The following DGKG variants were observed in gnomAD, a reference collection of about 807,000 sequenced individuals.
The protein encoded by DGKG is diacylglycerol kinase gamma.
In DGKG, 78 loss-of-function variants were observed where a neutral mutation model predicts 105.3. The observed-to-expected ratio is 0.74, with a 90% CI of 0.62 to 0.89. The LOEUF (loss-of-function observed/expected upper bound fraction) is 0.89. Ranked by LOEUF, DGKG falls within the 40% of genes least tolerant of loss-of-function variation. DGKG has a pLI of 0.00. For missense variants in DGKG, 958 were observed against 1,020.1 expected, an observed-to-expected ratio of 0.94 and a Z score of 0.83; for synonymous variants, 346 against 367.1, an observed-to-expected ratio of 0.94 and a Z score of 0.66.
chr3:186,192,815 T>C (rs1717970433), intron 21 of DGKG, among the ~76,000 whole-genome samples: 1 of 152,208 alleles, frequency 6.6e-6, no homozygotes, highest in African/African-American at 2.4e-5. Context: ...GCCTGGCACA[T>C]CAATGTTGGA....
At chr3:186,324,679 A>G (rs2108644891) in intron 1 of DGKG, among the ~76,000 whole-genome samples, 1 of 152,332 alleles carries the variant, frequency 6.6e-6, no homozygotes, top group Middle Eastern at 3.4e-3. Flanking sequence ...TATTATTAAA[A>G]AGACAAAAAC....
At position 186,311,845 on chromosome 3, in the gene DGKG, G is replaced by A. The variant is rs541924419; in HGVS notation, c.68-4868C>T. ...TAAGAACACAGAGTAGGCCGGGCGC[G>A]GTGGCTCACGCCTGTAATCCCAGCA... On this transcript the variant is annotated intron_variant, in intron 2 of 24. Transcript: ENST00000265022. 1.2e-3 allele frequency among the ~76,000 whole-genome samples: 149 copies of A among 129,546 alleles called. 32 individuals carry two copies. The highest frequency in any genetic ancestry group is 6.8e-3 in the African/African-American group (142 of 20,754). 85.0% of individuals were successfully genotyped at this position (129,546 alleles called of 152,430 possible). A position where few individuals can be genotyped will look rare whatever the true frequency, so the allele number is the denominator to read the frequency against.
chr3:186,148,623 C>T lies in DGKG; in HGVS notation c.*1467G>A. On this transcript the variant is annotated 3_prime_UTR_variant, in exon 25 of 25. Transcript: ENST00000265022. ...CCATTAAATATCTTTGTAACGGCAC[C>T]TACTCTCAAGCTGCATTAGCCAAGA... 1.0e-6 allele frequency: 1 copy of T among 985,346 alleles called. No homozygotes were observed. Among genetic ancestry groups the T allele is most frequent in the Non-Finnish European group, 1.2e-6 (1 of 829,926 alleles). 61.0% of individuals were successfully genotyped at this position (985,346 alleles called of 1,614,324 possible).
intron 3 of DGKG, among the ~76,000 whole-genome samples, chr3:186,299,825 C>CTTTCTT (rs1723812272): frequency 1.2e-5 from 1 of 85,124 alleles, no homozygotes; most frequent in Admixed American, 1.3e-4. Flanking sequence ...TTCTTTCTTT[C>CTTTCTT]TTTCTTTCTT....
intron 1 of DGKG, among the ~76,000 whole-genome samples, chr3:186,343,411 C>T (rs1410654392): frequency 6.6e-6 from 1 of 152,134 alleles, no homozygotes; most frequent in Non-Finnish European, 1.5e-5. Context: ...CCACCTCAGC[C>T]TCCTGAGTAG....
At chr3:186,276,527 T>C (rs2108591131) in intron 9 of DGKG, among the ~76,000 whole-genome samples, 1 of 152,342 alleles carries the variant, frequency 6.6e-6, no homozygotes, top group South Asian at 2.1e-4. Context: ...AAAAACAATG[T>C]ATTTCTCCTA....
intron 1 of DGKG, among the ~76,000 whole-genome samples, chr3:186,357,086 A>G (rs941306300): frequency 8.5e-5 from 13 of 152,104 alleles, no homozygotes; most frequent in Non-Finnish European, 1.6e-4. Flanking sequence ...GAGTTGGAGC[A>G]GTTGGGGGAG....
chr3:186,204,197 T>G (rs529687235), intron 21 of DGKG, among the ~76,000 whole-genome samples: 2 of 152,224 alleles, frequency 1.3e-5, no homozygotes, highest in South Asian at 4.1e-4. Flanking sequence ...TCTATTGAGG[T>G]CAGGAGTTTG....
At chr3:186,233,432 C>T (rs947930389) in intron 20 of DGKG, among the ~76,000 whole-genome samples, 1 of 152,194 alleles carries the variant, frequency 6.6e-6, no homozygotes, top group African/African-American at 2.4e-5. Context: ...ACACCTATTT[C>T]AGACTTCCAA....
At chr3:186,205,436 G>A (rs542738313) in intron 21 of DGKG, among the ~76,000 whole-genome samples, 63 of 152,144 alleles carry the variant, frequency 4.1e-4, no homozygotes, top group South Asian at 6.2e-4. Flanking sequence ...GGCGCCAGGC[G>A]CGGTGGCTCA....
chr3:186,288,812 C>T lies in DGKG; in HGVS notation c.442G>A (p.Val148Ile), dbSNP rs368444168. The T allele has an allele frequency of 3.8e-5, 61 of 1,612,256 alleles. No individual in the cohort carries two copies. The Middle Eastern group carries it at 8.3e-4, about 22-fold the overall frequency. Residue 148 changes from valine to isoleucine, a missense_variant, in exon 6 of 25, where the codon GTC (valine) becomes ATC (isoleucine). Around this residue, in one of 2 missense-constraint regions of DGKG, gnomAD observed 643 missense variants for 619.5 expected, o/e 1.04. Transcript: ENST00000265022. ...GATTCCGAGCTTGAAGACCGAGGGA[C>T]GGGGGGTTCCAGGGGGGTCGCAGCC... The part of the protein sequence containing the change: ...QVAATPLEPP[V>I]PRSSSSESPV...
chr3:186,252,021 T>C, intron 18 of DGKG, 102 bp from the exon 19 acceptor site: 1 of 1,128,260 alleles, frequency 8.9e-7, no homozygotes. Flanking sequence ...CATCTGTGAC[T>C]ATGGGACTCC....
intron 6 of DGKG, among the ~76,000 whole-genome samples, chr3:186,285,766 G>A (rs545148082): frequency 1.4e-5 from 2 of 146,146 alleles, no homozygotes; most frequent in Non-Finnish European, 3.0e-5. Context: ...TGCAACCTCC[G>A]CCTCCCGGGT....
chr3:186,295,980 A>C (rs983837787), intron 5 of DGKG, among the ~76,000 whole-genome samples: 1 of 151,894 alleles, frequency 6.6e-6, no homozygotes, highest in Admixed American at 6.6e-5. Context: ...GTGGCAGCAC[A>C]CTCTTGTAAT....
At chr3:186,181,173 T>G (rs1717342387) in intron 22 of DGKG, among the ~76,000 whole-genome samples, 1 of 152,228 alleles carries the variant, frequency 6.6e-6, no homozygotes, top group Non-Finnish European at 1.5e-5. Flanking sequence ...GTTATTTTAT[T>G]GAGGCCTGGC....
At chr3:186,282,933 G>A (rs6777725) in intron 7 of DGKG, among the ~76,000 whole-genome samples, 35,607 of 148,502 alleles carry the variant, frequency 0.24, 4,347 homozygotes, top group East Asian at 0.31. Flanking sequence ...TTTTTGAGAC[G>A]GAGTCTCCCT....
At chr3:186,309,130 T>C (rs141868080) in intron 2 of DGKG, among the ~76,000 whole-genome samples, 1,642 of 152,066 alleles carry the variant, frequency 0.011, 29 homozygotes, top group African/African-American at 0.037. Context: ...AAACACCAAG[T>C]TGGGAAGAAG....
intron 19 of DGKG, among the ~76,000 whole-genome samples, chr3:186,245,002 G>A (rs79995591): frequency 0.015 from 2,247 of 151,898 alleles, 28 homozygotes; most frequent in Non-Finnish European, 0.023. Flanking sequence ...ACTAATTTTC[G>A]TCTGTCAGGA....
chr3:186,238,508 C>T (rs189778038), intron 20 of DGKG, among the ~76,000 whole-genome samples: 2 of 152,164 alleles, frequency 1.3e-5, no homozygotes, highest in East Asian at 3.9e-4. Context: ...TGCTAGACGA[C>T]GATTTCCTTG....
Sources: allele counts gnomAD v4.1 joint callset (sites outside exome capture counted in the v4.1 genomes callset), GRCh38; gene constraint gnomAD v4.1.1; regional missense constraint gnomAD v4.1.1; transcripts MANE v1.5; gene names NCBI Gene and HGNC (gene_info 2026-07-23, HGNC 2026-07-21).